Variants in TNKS2 observed in about 807,000 individuals in gnomAD.
TNKS2 encodes poly [ADP-ribose] polymerase tankyrase-2.
Under a neutral mutation model 137.6 loss-of-function variants are expected in TNKS2, and 72 were observed. That is an observed-to-expected ratio of 0.52 (90% confidence interval 0.43 to 0.64). The LOEUF (loss-of-function observed/expected upper bound fraction) is 0.64. TNKS2 is among the 30% of genes least tolerant of loss of function. TNKS2 has a pLI of 0.00. For missense variants in TNKS2, 1,049 were observed against 1,410.2 expected (o/e 0.74, Z 4.10); for synonymous variants, 516 against 512.1 (o/e 1.01, Z -0.10).
At chr10:91,816,867 A>G (rs752395410) in intron 2 of TNKS2, among the ~76,000 whole-genome samples, 24 of 152,066 alleles carry the variant, frequency 1.6e-4, no homozygotes, top group Non-Finnish European at 3.1e-4. Flanking sequence ...ATCCTTAGTC[A>G]CTTGTCACCA....
In TNKS2 at chr10:91,855,460, C is replaced by T. The variant is rs1842678857; in HGVS notation, c.2914-154C>T. On this transcript the variant is annotated intron_variant, in intron 22 of 26. Transcript: ENST00000371627. ...GCCTCGGCCTCCCAAAGTGGGGCAC[C>T]ATGCCCAGCCCTCATATTCTTTGAA... is the stretch of plus-strand genomic sequence containing the variant. Among the ~76,000 whole-genome samples the T allele has an allele frequency of 2.6e-5, 4 of 152,092 alleles. No homozygotes were observed. The South Asian group carries it at 8.3e-4, about 32-fold the overall frequency.
At chr10:91,846,954 A>C (rs1451681761) in intron 18 of TNKS2, among the ~76,000 whole-genome samples, 1 of 152,224 alleles carries the variant, frequency 6.6e-6, no homozygotes, top group African/African-American at 2.4e-5. Flanking sequence ...TTCCAGCTGC[A>C]CGATTTAAGT....
chr10:91,817,588 C>A (rs1384869295), intron 3 of TNKS2, among the ~76,000 whole-genome samples: 1 of 152,054 alleles, frequency 6.6e-6, no homozygotes, highest in Non-Finnish European at 1.5e-5. Flanking sequence ...ACCCAAACTT[C>A]AAAACACTTC....
intron 1 of TNKS2, among the ~76,000 whole-genome samples, chr10:91,809,068 C>T (rs763051146): frequency 2.3e-4 from 35 of 151,778 alleles, no homozygotes; most frequent in Non-Finnish European, 4.3e-4. Flanking sequence ...TTTGATACTC[C>T]CAATCAAGAA....
At chr10:91,833,170 A>G (rs559895396) in intron 11 of TNKS2, among the ~76,000 whole-genome samples, 48 of 152,318 alleles carry the variant, frequency 3.2e-4, no homozygotes, top group African/African-American at 1.1e-3. Context: ...ACATTATCTC[A>G]TGGCAGAAGT....
intron 21 of TNKS2, among the ~76,000 whole-genome samples, chr10:91,852,205 G>A (rs1042745383): frequency 7.1e-5 from 10 of 141,114 alleles, no homozygotes; most frequent in African/African-American, 2.4e-4. Context: ...TCCAGCCTGG[G>A]CGACAGAGCG....
Position 91,798,663 on chromosome 10 carries a change from GT to G in TNKS2, c.-26del. ...GGCTCCTGCTCCGGTTGCTGGCGCT[GT>G]TGCTGGCTGTGGCGGCGGCCAGGAT... On this transcript the variant is annotated 5_prime_UTR_variant, in exon 1 of 27. Transcript: ENST00000371627. 1 of 1,220,834 alleles carries G rather than the reference GT, an allele frequency of 8.2e-7. No homozygotes were observed. Among genetic ancestry groups the G allele is most frequent in the Non-Finnish European group, 1.0e-6 (1 of 979,302 alleles). 75.6% of individuals were successfully genotyped at this position (1,220,834 alleles called of 1,614,324 possible).
At chr10:91,800,899 A>G (rs1275245483) in intron 1 of TNKS2, among the ~76,000 whole-genome samples, 6 of 152,212 alleles carry the variant, frequency 3.9e-5, no homozygotes, top group Non-Finnish European at 7.3e-5. Context: ...TGTTGTAGGT[A>G]GTGAGTTATC....
intron 24 of TNKS2, among the ~76,000 whole-genome samples, chr10:91,858,692 G>A (rs904341198): frequency 1.3e-5 from 2 of 152,276 alleles, no homozygotes; most frequent in East Asian, 1.9e-4. Flanking sequence ...TAGAAGAGAA[G>A]AGGTATAAGA....
intron 1 of TNKS2, among the ~76,000 whole-genome samples, chr10:91,806,659 C>T (rs1178176540): frequency 1.3e-5 from 2 of 152,100 alleles, no homozygotes; most frequent in African/African-American, 2.4e-5. Context: ...ATTGAGACTA[C>T]ACTGCTATAC....
At chr10:91,800,255 T>C (rs1454474064) in intron 1 of TNKS2, among the ~76,000 whole-genome samples, 1 of 152,216 alleles carries the variant, frequency 6.6e-6, no homozygotes, top group African/African-American at 2.4e-5. Context: ...GTGCTGCCGT[T>C]CTTCAGCTAA....
chr10:91,831,649 T>C (rs576045628), intron 11 of TNKS2, among the ~76,000 whole-genome samples: 1 of 152,276 alleles, frequency 6.6e-6, no homozygotes, highest in South Asian at 2.1e-4. Flanking sequence ...ACATAATAGC[T>C]CCCCATGTTG....
At chr10:91,840,735 C>A (rs758051805) in intron 14 of TNKS2, 29 bp downstream of exon 14, 1 of 1,575,736 alleles carries the variant, frequency 6.3e-7, no homozygotes, top group Non-Finnish European at 8.6e-7. Flanking sequence ...TATGGACTCT[C>A]TTCCTTACTT....
At chr10:91,862,862 G>T in intron 26 of TNKS2, 75 bp from the exon 27 acceptor site, 1 of 1,015,192 alleles carries the variant, frequency 9.9e-7, no homozygotes, top group African/African-American at 1.6e-5. Context: ...CTAAGATTAG[G>T]AATACTTCCG....
intron 23 of TNKS2, among the ~76,000 whole-genome samples, chr10:91,856,313 C>T (rs1353717568): frequency 1.3e-5 from 2 of 152,118 alleles, no homozygotes; most frequent in Non-Finnish European, 2.9e-5. Context: ...TACATTGATG[C>T]AGTATATTCC....
chr10:91,820,509 A>G (rs1403750860), intron 6 of TNKS2, among the ~76,000 whole-genome samples: 2 of 152,376 alleles, frequency 1.3e-5, no homozygotes, highest in East Asian at 3.9e-4. Context: ...AAAAACAGTG[A>G]CTAGACTAGC....
rs183955747 is a variant in TNKS2 at position 91,822,660 on chromosome 10, G to C, written c.795+298G>C. On this transcript the variant is annotated intron_variant, in intron 7 of 26. Transcript: ENST00000371627. ...GGCTCACTGCACCCTCCACCTCCAG[G>C]GTTCAAAGGATTCTCCTGCCACAGC... 3.7e-3 allele frequency among the ~76,000 whole-genome samples: 554 copies of C among 151,348 alleles called. 4 individuals are homozygous for C. Among genetic ancestry groups the C allele is most frequent in the African/African-American group, 0.012 (500 of 41,316 alleles).
chr10:91,803,979 A>G (rs1844251813), intron 1 of TNKS2, among the ~76,000 whole-genome samples: 1 of 152,174 alleles, frequency 6.6e-6, no homozygotes, highest in Non-Finnish European at 1.5e-5. Context: ...CTCTGTAGGA[A>G]CTTGACTGCC....
intron 20 of TNKS2, among the ~76,000 whole-genome samples, chr10:91,850,411 A>G (rs1842507547): frequency 6.8e-6 from 1 of 147,806 alleles, no homozygotes; most frequent in South Asian, 2.2e-4. Context: ...AAGTTTTAGC[A>G]TAGATTTTAG....
Sources: gnomAD v4.1 joint callset for allele counts (sites outside exome capture counted in the v4.1 genomes callset) on GRCh38, gnomAD v4.1.1 for gene constraint, MANE v1.5 for transcripts, NCBI Gene and HGNC (gene_info 2026-07-23, HGNC 2026-07-21) for gene names.